Variants in GRIK2 observed in about 807,000 individuals in gnomAD.
GRIK2 encodes glutamate ionotropic receptor kainate type subunit 2.
GRIK2 carries 32 observed loss-of-function variants against 100.3 expected under a neutral mutation model. That is an observed-to-expected ratio of 0.32 (90% CI 0.24 to 0.43). The LOEUF (loss-of-function observed/expected upper bound fraction) is 0.43, where lower values mean the gene tolerates loss of function less well. GRIK2 is among the 20% of genes least tolerant of loss of function. The pLI is 1.00. For missense variants in GRIK2, 843 were observed against 1,114.9 expected (o/e 0.76, Z 3.47); for synonymous variants, 417 against 389.4 (o/e 1.07, Z -0.83).
At chr6:101,792,198 C>T (rs6923274) in intron 7 of GRIK2, among the ~76,000 whole-genome samples, 2,640 of 149,206 alleles carry the variant, frequency 0.018, 74 homozygotes, top group African/African-American at 0.063. Flanking sequence ...GAGCATTTAG[C>T]CCATTTACAT....
At chr6:101,747,611 C>G (rs908160358) in intron 7 of GRIK2, among the ~76,000 whole-genome samples, 1 of 151,986 alleles carries the variant, frequency 6.6e-6, no homozygotes, top group African/African-American at 2.4e-5. Context: ...ATATGTACAT[C>G]TTAATTTATT....
In GRIK2 at chr6:101,653,442, CCTT is replaced by C. The variant is rs1251826365; in HGVS notation, c.542-23180_542-23178del. Among the ~76,000 whole-genome samples, 58 of 151,862 alleles carry C rather than the reference CCTT, an allele frequency of 3.8e-4. 1 individual carries two copies. The highest frequency in any genetic ancestry group is 2.9e-5 in the Non-Finnish European group (2 of 67,978). The stretch of plus-strand genomic sequence containing the variant: ...CTGATCTCTCACTACCATGTTTCCT[CCTT>C]GATCAATGCCAGGCAAAGTGAACTA... On this transcript the variant is annotated intron_variant, in intron 4 of 16. Transcript: ENST00000369134.
intron 7 of GRIK2, among the ~76,000 whole-genome samples, chr6:101,795,675 A>C (rs1780252396): frequency 6.6e-6 from 1 of 152,216 alleles, no homozygotes; most frequent in African/African-American, 2.4e-5. Flanking sequence ...TGCCTGCAAC[A>C]GGCTGGATGG....
At chr6:102,019,121 A>C (rs1769290649) in intron 14 of GRIK2, among the ~76,000 whole-genome samples, 1 of 152,030 alleles carries the variant, frequency 6.6e-6, no homozygotes, top group Non-Finnish European at 1.5e-5. Context: ...TTATGCTAGC[A>C]GTTCTGCTTA....
intron 7 of GRIK2, among the ~76,000 whole-genome samples, chr6:101,716,233 A>G (rs1325540657): frequency 2.0e-5 from 3 of 151,704 alleles, no homozygotes; most frequent in African/African-American, 7.3e-5. Context: ...AGTCAAAGGG[A>G]AAAGGGGAAA....
At chr6:101,850,043 C>T (rs2128439377) in intron 10 of GRIK2, among the ~76,000 whole-genome samples, 1 of 152,020 alleles carries the variant, frequency 6.6e-6, no homozygotes, top group South Asian at 2.1e-4. Context: ...GATTTGTGGG[C>T]TACAGCATCC....
At chr6:101,624,427 A>G (rs1780329326) in intron 3 of GRIK2, among the ~76,000 whole-genome samples, 1 of 152,198 alleles carries the variant, frequency 6.6e-6, no homozygotes, top group Non-Finnish European at 1.5e-5. Flanking sequence ...ATGTATTTAA[A>G]AACAATTTAT....
chr6:101,487,095 G>T lies in GRIK2; in HGVS notation c.115+87703G>T, dbSNP rs1325547350. Among the ~76,000 whole-genome samples the T allele has an allele frequency of 1.4e-5, 2 of 146,536 alleles. 1 individual carries two copies. Among genetic ancestry groups the T allele is most frequent in the Non-Finnish European group, 3.0e-5 (2 of 66,706 alleles). On this transcript the variant is annotated intron_variant, in intron 2 of 16. Transcript: ENST00000369134. Reference sequence around the variant, plus strand: ...TACCACACAGATGACTACTTACTGTGCCTTTGAGTAGAGTCAGTCTTATAT... The same window carrying T: ...TACCACACAGATGACTACTTACTGTTCCTTTGAGTAGAGTCAGTCTTATAT...
intron 2 of GRIK2, among the ~76,000 whole-genome samples, chr6:101,504,124 T>C (rs1038979468): frequency 1.3e-5 from 2 of 152,174 alleles, no homozygotes; most frequent in African/African-American, 4.8e-5. Flanking sequence ...CTAAATTGCA[T>C]ATTTATCTTT....
In GRIK2 at chr6:101,492,769, T is replaced by C. The variant is rs189249642; in HGVS notation, c.115+93377T>C. The stretch of plus-strand genomic sequence containing the variant: ...TAAAAACAAACAAAATCACAAAATA[T>C]GTGATGTAATAAGTATCACCAGAGA... On this transcript the variant is annotated intron_variant, in intron 2 of 16. Coordinates refer to ENST00000369134, the MANE Select transcript of GRIK2 (RefSeq NM_021956.5). Among the ~76,000 whole-genome samples the C allele has an allele frequency of 2.5e-4, 38 of 152,038 alleles. No individual in the cohort carries two copies. The East Asian group carries it at 6.4e-3, about 25-fold the overall frequency.
At chr6:101,792,517 A>G (rs1482032581) in intron 7 of GRIK2, among the ~76,000 whole-genome samples, 3 of 151,682 alleles carry the variant, frequency 2.0e-5, no homozygotes, top group Admixed American at 6.6e-5. Flanking sequence ...CTTTTCTTTA[A>G]GAATGTTGAA....
chr6:101,869,634 C>A (rs1785263639), intron 11 of GRIK2, among the ~76,000 whole-genome samples: 1 of 151,774 alleles, frequency 6.6e-6, no homozygotes, highest in African/African-American at 2.4e-5. Context: ...CATTATAGAG[C>A]AAATAGTCTC....
chr6:101,489,458 A>T (rs925700934), intron 2 of GRIK2, among the ~76,000 whole-genome samples: 1 of 145,996 alleles, frequency 6.8e-6, no homozygotes, highest in African/African-American at 2.6e-5. Context: ...ACACTGATTC[A>T]TTCATTTTTA....
At chr6:101,857,308 A>G (rs764924434) in intron 10 of GRIK2, among the ~76,000 whole-genome samples, 19 of 152,208 alleles carry the variant, frequency 1.2e-4, no homozygotes, top group Non-Finnish European at 1.9e-4. Context: ...TGAAGATACG[A>G]AACAACGTGC....
At chr6:101,858,389 T>A (rs1340310483) in intron 10 of GRIK2, among the ~76,000 whole-genome samples, 1 of 142,876 alleles carries the variant, frequency 7.0e-6, no homozygotes, top group African/African-American at 2.6e-5. Flanking sequence ...TTTTTTTCTT[T>A]TTTTTTTTTT....
chr6:101,904,030 T>C (rs1788055123), intron 12 of GRIK2, among the ~76,000 whole-genome samples: 1 of 151,542 alleles, frequency 6.6e-6, no homozygotes, highest in Admixed American at 6.6e-5. Context: ...TTAGGTTTGT[T>C]GAACTAGCAT....
intron 7 of GRIK2, among the ~76,000 whole-genome samples, chr6:101,719,534 T>C (rs1314228105): frequency 6.6e-6 from 1 of 151,916 alleles, no homozygotes; most frequent in African/African-American, 2.4e-5. Flanking sequence ...TCAGATAAAA[T>C]AATGAGCCTT....
intron 11 of GRIK2, among the ~76,000 whole-genome samples, chr6:101,879,598 A>G (rs1484235254): frequency 1.3e-5 from 2 of 151,870 alleles, no homozygotes; most frequent in Non-Finnish European, 2.9e-5. Context: ...ATCATAACCT[A>G]AAGGACAGCG....
chr6:101,696,632 T>C (rs749331749), intron 7 of GRIK2, among the ~76,000 whole-genome samples: 2 of 151,852 alleles, frequency 1.3e-5, no homozygotes, highest in African/African-American at 4.8e-5. Context: ...ATAACCTAAA[T>C]TGTGAATTGT....
Sources: gnomAD v4.1 joint callset for allele counts (sites outside exome capture counted in the v4.1 genomes callset) on GRCh38, gnomAD v4.1.1 for gene constraint, MANE v1.5 for transcripts, NCBI Gene and HGNC (gene_info 2026-07-23, HGNC 2026-07-21) for gene names.